The following SUPT3H variants were observed in gnomAD, a reference collection of about 807,000 sequenced individuals.
SUPT3H encodes the protein transcription initiation protein SPT3 homolog.
A neutral mutation model predicts 44.3 loss-of-function variants in SUPT3H; 44 were observed. The observed-to-expected ratio is 0.99, with a 90% confidence interval of 0.78 to 1.28. The LOEUF (loss-of-function observed/expected upper bound fraction) is 1.28. SUPT3H is among the 50% of genes most tolerant of loss of function. The pLI, the probability that SUPT3H is intolerant of heterozygous loss-of-function variation, is 0.00. For synonymous variants in SUPT3H, 124 were observed against 125.6 expected, an observed-to-expected ratio of 0.99 and a Z score of 0.09; for missense variants, 380 against 387.1, an observed-to-expected ratio of 0.98 and a Z score of 0.15.
chr6:45,366,726 C>A (rs930011579), intron 1 of SUPT3H, among the ~76,000 whole-genome samples: 27 of 152,122 alleles, frequency 1.8e-4, no homozygotes, highest in Non-Finnish European at 3.5e-4. Context: ...ATCACTACAA[C>A]TACTAGTCAC....
chr6:44,935,398 G>A (rs1771239533), intron 9 of SUPT3H, among the ~76,000 whole-genome samples: 1 of 152,128 alleles, frequency 6.6e-6, no homozygotes, highest in African/African-American at 2.4e-5. Context: ...CACGTGTGAA[G>A]AGCATTATAC....
At chr6:45,172,817 C>G (rs1250534481) in intron 2 of SUPT3H, among the ~76,000 whole-genome samples, 1 of 152,090 alleles carries the variant, frequency 6.6e-6, no homozygotes, top group Non-Finnish European at 1.5e-5. Context: ...GTCTCGAACT[C>G]CTGACCTCGT....
chr6:45,041,273 A>T (rs1412333837), intron 3 of SUPT3H, among the ~76,000 whole-genome samples: 1 of 152,208 alleles, frequency 6.6e-6, no homozygotes, highest in Non-Finnish European at 1.5e-5. Flanking sequence ...ACATTAGACA[A>T]TGATGTCAAG....
chr6:45,365,387 T>A, intron 1 of SUPT3H, 86 bp from the exon 2 acceptor site: 1 of 863,138 alleles, frequency 1.2e-6, no homozygotes, highest in South Asian at 1.7e-5. Context: ...ATAAATTACT[T>A]CAAAAAGTAG....
In SUPT3H at chr6:45,371,886, CA is replaced by C. The variant is rs2150312576; in HGVS notation, c.-1+5881del. On this transcript the variant is annotated intron_variant, in intron 1 of 10. Transcript: ENST00000371459. ...AATTTCCTCCAAATCCCTCATTTTT[CA>C]GGTGAGGAACTGAAGTCCAGAGGGG... is the stretch of plus-strand genomic sequence containing the variant. 1.0e-6 allele frequency: 1 copy of C among 953,542 alleles called. No homozygotes were observed. The highest frequency in any genetic ancestry group is 1.2e-6 in the Non-Finnish European group (1 of 800,896). 59.1% of individuals were successfully genotyped at this position (953,542 alleles called of 1,614,324 possible).
At chr6:45,363,150 C>T (rs1794555089) in intron 2 of SUPT3H, among the ~76,000 whole-genome samples, 1 of 151,984 alleles carries the variant, frequency 6.6e-6, no homozygotes, top group Non-Finnish European at 1.5e-5. Context: ...GTCTCTGTCG[C>T]AAATACTCAA....
chr6:45,312,423 G>A (rs1250106258), intron 2 of SUPT3H, among the ~76,000 whole-genome samples: 2 of 151,166 alleles, frequency 1.3e-5, no homozygotes, highest in African/African-American at 4.9e-5. Flanking sequence ...GCTGAGGCAG[G>A]AGAATGGCGT....
chr6:44,903,902 A>G (rs149408740), intron 10 of SUPT3H, among the ~76,000 whole-genome samples: 3,096 of 152,324 alleles, frequency 0.02, 42 homozygotes, highest in Non-Finnish European at 0.033. Flanking sequence ...AACCTAATCC[A>G]GCATATAAAC....
chr6:44,877,195 G>A (rs1402549401), intron 10 of SUPT3H, among the ~76,000 whole-genome samples: 1 of 152,096 alleles, frequency 6.6e-6, no homozygotes, highest in Non-Finnish European at 1.5e-5. Flanking sequence ...GGCTGGGCAC[G>A]GTGGATCATG....
intron 10 of SUPT3H, among the ~76,000 whole-genome samples, chr6:44,888,739 CA>C (rs1478428600): frequency 3.3e-5 from 5 of 151,972 alleles, no homozygotes; most frequent in African/African-American, 1.2e-4. Context: ...CACTCCTATT[CA>C]ACATAGTGTT....
rs1212773728 is a variant in SUPT3H at position 45,014,836 on chromosome 6, A to G, written c.329T>C (p.Ile110Thr). The change falls in exon 5 of 11, where the codon ATT (isoleucine) becomes ACT (threonine). Residue 110 changes from isoleucine (I) to threonine (T), a missense_variant. By Grantham distance (89) the Ile-to-Thr change is moderately conservative. Coordinates refer to ENST00000371459, the MANE Select transcript of SUPT3H (RefSeq NM_003599.4). ...YMFIRDYKSKIVKGIDEDDLL... is the reference protein window; with the variant it reads ...YMFIRDYKSKTVKGIDEDDLL... The stretch of plus-strand genomic sequence containing the variant: ...ATCATCCTCATCGATGCCTTTGACA[A>G]TCTTTGATTTGTAGTCTCGGATAAA... The G allele has an allele frequency of 4.4e-6, 7 of 1,593,354 alleles. No homozygotes were observed. The highest frequency in any genetic ancestry group is 5.1e-6 in the Non-Finnish European group (6 of 1,171,324).
chr6:44,963,044 A>C (rs913430942), intron 6 of SUPT3H, among the ~76,000 whole-genome samples: 1 of 151,672 alleles, frequency 6.6e-6, no homozygotes, highest in African/African-American at 2.4e-5. Context: ...ATATATACAC[A>C]TATAATGTAT....
intron 2 of SUPT3H, among the ~76,000 whole-genome samples, chr6:45,117,904 C>T (rs924256361): frequency 1.4e-4 from 22 of 151,928 alleles, no homozygotes; most frequent in Non-Finnish European, 2.8e-4. Context: ...AAAAGTTCAT[C>T]TCTAGTCTCA....
At chr6:45,073,840 G>C (rs1794686180) in intron 3 of SUPT3H, among the ~76,000 whole-genome samples, 1 of 151,998 alleles carries the variant, frequency 6.6e-6, no homozygotes, top group Non-Finnish European at 1.5e-5. Context: ...ATACAGGATA[G>C]AAGTTAGATA....
At position 44,960,435 on chromosome 6, in the gene SUPT3H, AG is replaced by A. The variant is rs1254503064; in HGVS notation, c.580+1317del. 1.7e-4 allele frequency among the ~76,000 whole-genome samples: 26 copies of A among 150,540 alleles called. No homozygotes were observed. In the East Asian group the frequency reaches 4.1e-3, roughly 24 times the overall value. On this transcript the variant is annotated intron_variant, in intron 7 of 10. Coordinates refer to ENST00000371459, the MANE Select transcript of SUPT3H (RefSeq NM_003599.4). The stretch of plus-strand genomic sequence containing the variant: ...ATTCCATCTCAAAAAAAAAAAAAAA[AG>A]AACAAAAGCAAAACAAAACAAACAA...
At chr6:45,105,515 G>C (rs1029030017) in intron 3 of SUPT3H, among the ~76,000 whole-genome samples, 1 of 152,096 alleles carries the variant, frequency 6.6e-6, no homozygotes, top group Non-Finnish European at 1.5e-5. Flanking sequence ...CTATACTATA[G>C]TCTATTGATT....
At chr6:45,214,015 C>CAAAAAAAAAAAAAAA (rs11418358) in intron 2 of SUPT3H, among the ~76,000 whole-genome samples, 16 of 74,062 alleles carry the variant, frequency 2.2e-4, no homozygotes, top group East Asian at 9.6e-4. Flanking sequence ...TTTTGAAATG[C>CAAAAAAAAAAAAAAA]AAAAAAAAAA....
intron 2 of SUPT3H, among the ~76,000 whole-genome samples, chr6:45,160,448 TATAAAG>T (rs758163447): frequency 6.1e-4 from 93 of 152,220 alleles, no homozygotes; most frequent in Non-Finnish European, 1.0e-3. Flanking sequence ...ACAGTCAAGA[TATAAAG>T]AGATTTTCCA....
chr6:45,051,685 A>G (rs1386670153), intron 3 of SUPT3H, among the ~76,000 whole-genome samples: 1 of 152,328 alleles, frequency 6.6e-6, no homozygotes, highest in South Asian at 2.1e-4. Flanking sequence ...AAGCTGCTAA[A>G]GAGCAGAATT....
Sources: gnomAD v4.1 joint callset for allele counts (sites outside exome capture counted in the v4.1 genomes callset) on GRCh38, gnomAD v4.1.1 for gene constraint, MANE v1.5 for transcripts, NCBI Gene and HGNC (gene_info 2026-07-23, HGNC 2026-07-21) for gene names.